Variants in WARS1 observed in about 807,000 individuals in gnomAD.
WARS1 encodes tryptophanyl-tRNA synthetase 1.
WARS1 carries 17 observed loss-of-function variants against 47.8 expected under a neutral mutation model. The ratio of observed to expected loss-of-function variants is 0.36; its 90% CI spans 0.24 to 0.53. The LOEUF is 0.53. Among genes scored for constraint, WARS1 ranks in the 20% least tolerant of loss-of-function variants. The pLI is 0.91. For missense variants in WARS1, 434 were observed against 608.0 expected (o/e 0.71, Z 3.01); for synonymous variants, 208 against 228.1 (o/e 0.91, Z 0.79).
At chr14:100,351,627 C>G (rs970774361) in intron 6 of WARS1, among the ~76,000 whole-genome samples, 1 of 152,124 alleles carries the variant, frequency 6.6e-6, no homozygotes, top group African/African-American at 2.4e-5. Flanking sequence ...GGATCCCTGT[C>G]TATTTTCCTT....
rs998364785 is a variant in WARS1 at position 100,372,140 on chromosome 14, G to A, written c.-73-2882C>T. ...TTTACCTACCCAAATCCTATAAAAC[G>A]GCCCCACTCCTATCTCCCTTCCATG... On this transcript the variant is annotated intron_variant, in intron 1 of 10. Transcript: ENST00000392882. Among the ~76,000 whole-genome samples the A allele has an allele frequency of 2.0e-5, 3 of 151,724 alleles. No homozygotes were observed. In the South Asian group the frequency reaches 6.3e-4, roughly 32 times the overall value.
chr14:100,366,226 T>C (rs2140068926), intron 2 of WARS1, among the ~76,000 whole-genome samples: 1 of 152,288 alleles, frequency 6.6e-6, no homozygotes, highest in South Asian at 2.1e-4. Flanking sequence ...CGTAGAACTC[T>C]GGCAGCGGGA....
chr14:100,375,420 C>A (rs1896599435), upstream of WARS1: 1 of 152,222 alleles, frequency 6.6e-6, no homozygotes, highest in East Asian at 1.9e-4. Context: ...AAAAAAGATG[C>A]TTTTGTCTTT....
chr14:100,350,975 G>A (rs1894943124), intron 6 of WARS1, among the ~76,000 whole-genome samples: 1 of 152,186 alleles, frequency 6.6e-6, no homozygotes, highest in Admixed American at 6.5e-5. Flanking sequence ...GGGCAGCACA[G>A]AGCATGTACA....
In WARS1 at chr14:100,353,847, C is replaced by A. The variant is rs538357988; in HGVS notation, c.565G>T (p.Val189Leu). 4 of 1,613,950 alleles carry A rather than the reference C, an allele frequency of 2.5e-6. No individual in the cohort carries two copies. The highest frequency in any genetic ancestry group is 3.4e-6 in the Non-Finnish European group (4 of 1,179,976). The change falls in exon 6 of 11, where the codon GTG becomes TTG. Residue 189 changes from valine to leucine, a missense_variant. Transcript: ENST00000392882. ...TCCGTCATCTGGATGACCAAGGGCA[C>A]GTTAAATACATCCTGGAGCCACCTA... ...FTKWLQDVFN[V>L]PLVIQMTDDE...
intron 2 of WARS1, among the ~76,000 whole-genome samples, chr14:100,367,650 G>T (rs139586948): frequency 3.4e-5 from 5 of 147,836 alleles, no homozygotes; most frequent in African/African-American, 1.2e-4. Flanking sequence ...TACTGAACCT[G>T]CATCCCATGA....
chr14:100,357,861 C>A (rs1274584271), intron 4 of WARS1, among the ~76,000 whole-genome samples: 1 of 152,104 alleles, frequency 6.6e-6, no homozygotes, highest in Non-Finnish European at 1.5e-5. Flanking sequence ...ATGAATAAAT[C>A]TAAGCAAAGA....
At position 100,343,405 on chromosome 14, in the gene WARS1, T is replaced by C; in HGVS notation, c.827-18A>G. ...GATCTTCCCTGAAAATGAGAAAAAG[T>C]ATTTTTACACGTGAGATGAGTTCCT... is the stretch of plus-strand genomic sequence containing the variant. On this transcript the variant is annotated intron_variant, in intron 7 of 10. Coordinates refer to ENST00000392882, the MANE Select transcript of WARS1 (RefSeq NM_004184.4). The C allele has an allele frequency of 1.9e-6, 3 of 1,592,416 alleles. No individual in the cohort carries two copies.
intron 2 of WARS1, among the ~76,000 whole-genome samples, chr14:100,366,435 C>A (rs900933433): frequency 1.6e-4 from 24 of 152,190 alleles, no homozygotes; most frequent in African/African-American, 5.8e-4. Flanking sequence ...AGTGCACCCC[C>A]CAAAACACCA....
chr14:100,359,536 T>C (rs1207033595), intron 4 of WARS1, among the ~76,000 whole-genome samples: 2 of 152,236 alleles, frequency 1.3e-5, no homozygotes, highest in African/African-American at 4.8e-5. Flanking sequence ...AACCCATTTA[T>C]GCCTACCTAC....
intron 6 of WARS1, among the ~76,000 whole-genome samples, chr14:100,347,546 G>C (rs1421574266): frequency 6.6e-6 from 1 of 152,172 alleles, no homozygotes; most frequent in African/African-American, 2.4e-5. Flanking sequence ...AAACACAGTG[G>C]GGTGTAGGGG....
At chr14:100,358,641 A>G (rs1234995095) in intron 4 of WARS1, among the ~76,000 whole-genome samples, 1 of 152,246 alleles carries the variant, frequency 6.6e-6, no homozygotes, top group East Asian at 1.9e-4. Flanking sequence ...CTCAGATATG[A>G]CACCAAAAAC....
intron 2 of WARS1, among the ~76,000 whole-genome samples, chr14:100,368,708 C>G (rs1349916901): frequency 6.6e-6 from 1 of 152,186 alleles, no homozygotes; most frequent in Non-Finnish European, 1.5e-5. Context: ...TGCTGGTAAT[C>G]CCAGCACTTT....
Position 100,373,835 on chromosome 14 carries a change from TG to T in WARS1, c.-74+1447del, listed in dbSNP as rs1896483278. 1 of 134,524 alleles carries T rather than the reference TG, an allele frequency of 7.4e-6. No homozygotes were observed. Among genetic ancestry groups the T allele is most frequent in the Non-Finnish European group, 1.5e-5 (1 of 66,012 alleles). 8.3% of individuals were successfully genotyped at this position (134,524 alleles called of 1,614,324 possible). A position where few individuals can be genotyped will look rare whatever the true frequency, so the allele number is the denominator to read the frequency against. ...ACACTATTGAAATCTTGTGTGTGTGTGTGTGTGTGTGTGTGTGTGTGTGTGT... is the reference window on the plus strand; with the variant it reads ...ACACTATTGAAATCTTGTGTGTGTGTTGTGTGTGTGTGTGTGTGTGTGTGT... On this transcript the variant is annotated intron_variant, in intron 1 of 10. Transcript: ENST00000392882. The surrounding 1 kb of genome is among the most constrained non-coding windows in gnomAD (Gnocchi z 4.4).
chr14:100,346,654 G>A (rs946963197), intron 7 of WARS1, 92 bp downstream of exon 7: 11 of 1,073,150 alleles, frequency 1.0e-5, no homozygotes, highest in Non-Finnish European at 1.4e-5. Flanking sequence ...TAACATCTCA[G>A]AGATATTTAA....
At position 100,373,742 on chromosome 14, in the gene WARS1, T is replaced by C. The variant is rs1182789735; in HGVS notation, c.-74+1541A>G. Among the ~76,000 whole-genome samples, 1 of 152,076 alleles carries C rather than the reference T, an allele frequency of 6.6e-6. No individual in the cohort carries two copies. The highest frequency in any genetic ancestry group is 2.4e-5 in the African/African-American group (1 of 41,396). ...ACTCCATTTAAGAAGCACATGGGAA[T>C]GAAATTAGACTGAGGAAATAGCAGA... On this transcript the variant is annotated intron_variant, in intron 1 of 10. Coordinates refer to ENST00000392882, the MANE Select transcript of WARS1 (RefSeq NM_004184.4). The surrounding 1 kb of genome is among the most constrained non-coding windows in gnomAD (Gnocchi z 4.4).
At chr14:100,354,321 C>G (rs1436987511) in intron 5 of WARS1, 126 bp downstream of exon 5, 8 of 1,415,090 alleles carry the variant, frequency 5.7e-6, no homozygotes, top group African/African-American at 1.4e-5. Flanking sequence ...AAAAAAGTGC[C>G]AACTCTTGAC....
At chr14:100,359,367 A>G (rs1215958018) in intron 4 of WARS1, among the ~76,000 whole-genome samples, 1 of 152,270 alleles carries the variant, frequency 6.6e-6, no homozygotes, top group Non-Finnish European at 1.5e-5. Context: ...TACATGCTAC[A>G]ACATGGAGGA....
chr14:100,354,051 C>G (rs897992619), intron 5 of WARS1, 182 bp from the exon 6 acceptor site: 5 of 612,042 alleles, frequency 8.2e-6, no homozygotes, highest in Non-Finnish European at 1.4e-5. Flanking sequence ...TACCATTTAT[C>G]GACCAGGTGG....
Sources: gnomAD v4.1 joint callset for allele counts (sites outside exome capture counted in the v4.1 genomes callset) on GRCh38, gnomAD v4.1.1 for gene constraint, Gnocchi (gnomAD v3.1) non-coding constraint, MANE v1.5 for transcripts, NCBI Gene and HGNC (gene_info 2026-07-23, HGNC 2026-07-21) for gene names.